The following LIMA1 variants were observed in gnomAD, a reference collection of about 807,000 sequenced individuals.
LIMA1 encodes the protein LIM domain and actin binding 1.
LIMA1 carries 52 observed loss-of-function variants against 62.6 expected under a neutral mutation model. That is an observed-to-expected ratio of 0.83 (90% CI 0.67 to 1.05). LIMA1 has a LOEUF of 1.05. LIMA1 is among the 50% of genes least tolerant of loss of function. The pLI is 0.00. For synonymous variants in LIMA1, 302 were observed against 317.8 expected, an observed-to-expected ratio of 0.95 and a Z score of 0.53; for missense variants, 780 against 902.2, an observed-to-expected ratio of 0.86 and a Z score of 1.74.
chr12:50,213,354 T>C (rs770896759), intron 4 of LIMA1, among the ~76,000 whole-genome samples: 9 of 152,256 alleles, frequency 5.9e-5, no homozygotes, highest in Non-Finnish European at 1.0e-4. Flanking sequence ...CAATAAATAG[T>C]TATTATATCC....
At chr12:50,185,109 T>C (rs777955924) in intron 9 of LIMA1, among the ~76,000 whole-genome samples, 9 of 152,096 alleles carry the variant, frequency 5.9e-5, no homozygotes, top group African/African-American at 9.7e-5. Flanking sequence ...GGATTACAGG[T>C]GTGAGCCACT....
At position 50,176,129 on chromosome 12, in the gene LIMA1, A is replaced by C. The variant is rs917728741; in HGVS notation, c.*935T>G. 2 of 152,246 alleles carry C rather than the reference A, an allele frequency of 1.3e-5. No individual in the cohort carries two copies. The highest frequency in any genetic ancestry group is 2.9e-5 in the Non-Finnish European group (2 of 68,044). The allele number at this position is 152,246 out of a possible 1,614,324, so 9.4% of individuals were successfully genotyped here. A position where few individuals can be genotyped will look rare whatever the true frequency, so the allele number is the denominator to read the frequency against. ...GTAAGTATTTAAAAATTAGTGTCTC[A>C]AAAAGGGGACATCATAAGGGAAATA... On this transcript the variant is annotated 3_prime_UTR_variant, in exon 11 of 11. Coordinates refer to ENST00000341247, the MANE Select transcript of LIMA1 (RefSeq NM_016357.5).
rs1281529474 is a variant in LIMA1 at position 50,260,756 on chromosome 12, A to T, written c.-23-11982T>A. 3.3e-5 allele frequency among the ~76,000 whole-genome samples: 5 copies of T among 152,110 alleles called. No individual in the cohort carries two copies. In the East Asian group the frequency reaches 9.7e-4, roughly 29 times the overall value. On this transcript the variant is annotated intron_variant, in intron 1 of 10. Coordinates refer to ENST00000341247, the MANE Select transcript of LIMA1 (RefSeq NM_016357.5). ...TCTTTACTTCTCTGAGGCATATACC[A>T]TTACCTACCCTAGCTAGTCAAAAAT...
intron 7 of LIMA1, among the ~76,000 whole-genome samples, chr12:50,198,780 T>A (rs1006128127): frequency 6.6e-6 from 1 of 152,178 alleles, no homozygotes; most frequent in Non-Finnish European, 1.5e-5. Context: ...ACTAAAAGAA[T>A]TGGACAATGG....
intron 1 of LIMA1, among the ~76,000 whole-genome samples, chr12:50,257,490 C>G (rs1295488307): frequency 6.6e-6 from 1 of 152,158 alleles, no homozygotes; most frequent in Non-Finnish European, 1.5e-5. Flanking sequence ...GGCAGTCACA[C>G]CAGCAGTGTT....
chr12:50,207,011 G>A (rs963118664), intron 4 of LIMA1, among the ~76,000 whole-genome samples: 8 of 151,848 alleles, frequency 5.3e-5, no homozygotes, highest in Non-Finnish European at 7.4e-5. Flanking sequence ...TGCAGCCTCC[G>A]CCTCCCAGGT....
chr12:50,205,963 C>T, intron 5 of LIMA1, 21 bp downstream of exon 5: 2 of 1,588,778 alleles, frequency 1.3e-6, no homozygotes, highest in Non-Finnish European at 1.7e-6. Context: ...GGACCTCATA[C>T]ACATGGAACT....
At chr12:50,238,146 T>G (rs572627401) in intron 2 of LIMA1, among the ~76,000 whole-genome samples, 9 of 152,262 alleles carry the variant, frequency 5.9e-5, no homozygotes, top group Non-Finnish European at 8.8e-5. Flanking sequence ...TGGTAATGCC[T>G]TATTGGAATA....
intron 1 of LIMA1, among the ~76,000 whole-genome samples, chr12:50,251,070 T>C (rs1941923871): frequency 6.6e-6 from 1 of 152,212 alleles, no homozygotes; most frequent in South Asian, 2.1e-4. Context: ...GGTATTAAAC[T>C]GGCAGACTCA....
chr12:50,181,116 A>C (rs1303087886), intron 10 of LIMA1, among the ~76,000 whole-genome samples: 1 of 150,098 alleles, frequency 6.7e-6, no homozygotes, highest in Non-Finnish European at 1.5e-5. Flanking sequence ...TGTATCCAAA[A>C]AAAAAAAAAA....
Position 50,222,136 on chromosome 12 carries a change from A to G in LIMA1, c.515T>C (p.Val172Ala). Residue 172 changes from valine (V) to alanine (A), a missense_variant, in exon 4 of 11, where the codon GTA (valine) becomes GCA (alanine). Physicochemically the swap from Val to Ala is moderately conservative, Grantham distance 64. Transcript: ENST00000341247. The part of the protein sequence containing the change: ...ENCLGESRHE[V>A]EKSEISENTD... ...GTTTTCACTGATTTCTGATTTTTCT[A>G]CTTCATGCCTGGATTCTCCTAGACA... is the stretch of plus-strand genomic sequence containing the variant. The G allele has an allele frequency of 6.2e-7, 1 of 1,614,042 alleles. No homozygotes were observed.
intron 1 of LIMA1, among the ~76,000 whole-genome samples, chr12:50,268,193 T>G (rs1197009619): frequency 6.6e-6 from 1 of 152,106 alleles, no homozygotes; most frequent in Non-Finnish European, 1.5e-5. Context: ...GGGGTTCCCT[T>G]TTGCAGGACA....
At chr12:50,206,847 C>T (rs1199703173) in intron 4 of LIMA1, among the ~76,000 whole-genome samples, 1 of 152,158 alleles carries the variant, frequency 6.6e-6, no homozygotes, top group Non-Finnish European at 1.5e-5. Flanking sequence ...TGTCCCTCTA[C>T]TGCACTGTAA....
chr12:50,235,817 AACT>A (rs1167399100), intron 2 of LIMA1, among the ~76,000 whole-genome samples: 1 of 152,198 alleles, frequency 6.6e-6, no homozygotes, highest in Non-Finnish European at 1.5e-5. Context: ...GAATATAAAT[AACT>A]ACTAATAAGC....
chr12:50,190,682 ATTTTTTT>A (rs762182699), intron 9 of LIMA1, among the ~76,000 whole-genome samples: 52 of 93,024 alleles, frequency 5.6e-4, no homozygotes, highest in African/African-American at 2.1e-3. Flanking sequence ...ACCCGGCCTC[ATTTTTTT>A]TTTTTTTTTT....
chr12:50,199,759 T>A (rs1309538439), intron 7 of LIMA1, among the ~76,000 whole-genome samples: 1 of 152,218 alleles, frequency 6.6e-6, no homozygotes, highest in Non-Finnish European at 1.5e-5. Flanking sequence ...ACAAAATGTG[T>A]TAAATGTATA....
At chr12:50,199,726 G>A (rs1941004740) in intron 7 of LIMA1, among the ~76,000 whole-genome samples, 1 of 152,088 alleles carries the variant, frequency 6.6e-6, no homozygotes, top group Non-Finnish European at 1.5e-5. Flanking sequence ...AATAATATGA[G>A]TGGAAGAGTA....
chr12:50,187,744 T>C (rs1940661898), intron 9 of LIMA1: 1 of 152,182 alleles, frequency 6.6e-6, no homozygotes, highest in Non-Finnish European at 1.5e-5. Context: ...TAGAGTGCCA[T>C]GTTCTCTCTC....
intron 9 of LIMA1, chr12:50,186,830 G>C (rs1940642360): frequency 6.6e-6 from 1 of 152,106 alleles, no homozygotes; most frequent in South Asian, 2.1e-4. Flanking sequence ...GGTCTGCATA[G>C]ACCTGCTCAC....
Sources: gnomAD v4.1 joint callset for allele counts (sites outside exome capture counted in the v4.1 genomes callset) on GRCh38, gnomAD v4.1.1 for gene constraint, MANE v1.5 for transcripts, NCBI Gene and HGNC (gene_info 2026-07-23, HGNC 2026-07-21) for gene names.